Variants in PTPRG observed in about 807,000 individuals in gnomAD.
The protein encoded by PTPRG is receptor-type tyrosine-protein phosphatase gamma.
PTPRG carries 102 observed loss-of-function variants against 165.3 expected under a neutral mutation model. That is an observed-to-expected ratio of 0.62 (90% confidence interval 0.53 to 0.73). The LOEUF (loss-of-function observed/expected upper bound fraction) is 0.73. PTPRG is among the 30% of genes least tolerant of loss of function. PTPRG has a pLI of 0.00. For synonymous variants in PTPRG, 675 were observed against 669.5 expected (o/e 1.01, Z -0.13); for missense variants, 1,866 against 1,861.4 (o/e 1.00, Z -0.05).
At chr3:62,132,691 C>G in intron 6 of PTPRG, 23 bp downstream of exon 6, 1 of 1,579,204 alleles carries the variant, frequency 6.3e-7, no homozygotes, top group Non-Finnish European at 8.7e-7. Context: ...CATACACTTC[C>G]TTTTGCTGGG....
At chr3:61,969,916 G>A (rs1035291480) in intron 2 of PTPRG, among the ~76,000 whole-genome samples, 4 of 152,148 alleles carry the variant, frequency 2.6e-5, no homozygotes, top group African/African-American at 9.7e-5. Context: ...TTATATGGAA[G>A]TACAACTTAA....
Position 62,203,527 on chromosome 3 carries a change from G to A in PTPRG, c.1732G>A (p.Glu578Lys), listed in dbSNP as rs749195922. The change falls in exon 12 of 30, where the codon GAG (glutamate) becomes AAG (lysine). Residue 578 changes from glutamate to lysine, a missense_variant. This residue lies in a region of PTPRG where 1,452 missense variants were observed against 1,463.0 expected (regional missense o/e 0.99). Transcript: ENST00000474889. This position sits in a 1 kb window ranked among gnomAD's most constrained non-coding sequence, Gnocchi z 6.4. ...ACCAACCAAGGACGGCGAGGGCACC[G>A]AGGAAGGAGAGAAGGATGAGAAAAG... is the stretch of plus-strand genomic sequence containing the variant. ...SSPTKDGEGT[E>K]EGEKDEKSES... The A allele has an allele frequency of 9.0e-6, 14 of 1,555,142 alleles. No homozygotes were observed. The African/African-American group carries it at 1.4e-4, about 15-fold the overall frequency.
intron 12 of PTPRG, among the ~76,000 whole-genome samples, chr3:62,204,163 C>G (rs76861305): frequency 6.6e-6 from 1 of 152,304 alleles, no homozygotes; most frequent in Non-Finnish European, 1.5e-5. Context: ...TGGAGTAAGT[C>G]TTTCTTTGAT....
At chr3:61,779,505 C>G (rs980952807) in intron 2 of PTPRG, among the ~76,000 whole-genome samples, 5 of 152,104 alleles carry the variant, frequency 3.3e-5, no homozygotes, top group South Asian at 2.1e-4. Context: ...AAATATCTCC[C>G]TAAGGTGAGC....
rs569115192 is a variant in PTPRG, at chr3:62,137,599, G to C, written c.682+4931G>C. Among the ~76,000 whole-genome samples the C allele has an allele frequency of 5.3e-5, 8 of 152,206 alleles. No homozygotes were observed. The East Asian group carries it at 1.5e-3, about 29-fold the overall frequency. ...CCTGAGCATACTTCTCAGTTGTCAT[G>C]GGTTCGCCAGGATTCAGAAAGCTGT... On this transcript the variant is annotated intron_variant, in intron 6 of 29. Coordinates refer to ENST00000474889, the MANE Select transcript of PTPRG (RefSeq NM_002841.4).
At position 62,273,699 on chromosome 3, in the gene PTPRG, A is replaced by G. The variant is rs1702147089; in HGVS notation, c.3320A>G (p.Glu1107Gly). Residue 1107 changes from glutamate to glycine, a missense_variant and splice_region_variant, in exon 23 of 30, where the codon GAG (glutamate) becomes GGG (glycine). Transcript: ENST00000474889. The surrounding 1 kb of genome is among the most constrained non-coding windows in gnomAD (Gnocchi z 4.1). ...ACTACCATGTATTGTACCTCTTAGG[A>G]GCAGTACATTTTCATCCATGATGCC... is the stretch of plus-strand genomic sequence containing the variant. ...TQRNYLVQTEEQYIFIHDALL... is the reference protein window; with the variant it reads ...TQRNYLVQTEGQYIFIHDALL... 6.2e-7 allele frequency: 1 copy of G among 1,613,496 alleles called. No homozygotes were observed. Among genetic ancestry groups the G allele is most frequent in the Non-Finnish European group, 8.5e-7 (1 of 1,179,524 alleles).
At chr3:61,584,512 T>G (rs1204688089) in intron 1 of PTPRG, among the ~76,000 whole-genome samples, 4 of 152,206 alleles carry the variant, frequency 2.6e-5, no homozygotes, top group Non-Finnish European at 5.9e-5. Flanking sequence ...CAATTTCATT[T>G]GTTTATAACT....
chr3:61,621,051 A>ATATATATATATATGTGTGTGTGTG, intron 1 of PTPRG, among the ~76,000 whole-genome samples: 88 of 117,974 alleles, frequency 7.5e-4, no homozygotes, highest in South Asian at 1.5e-3. Flanking sequence ...ATATATATAT[A>ATATATATATATATGTGTGTGTGTG]TGTGTGTGTG....
At chr3:61,663,470 G>A in intron 1 of PTPRG, among the ~76,000 whole-genome samples, 1 of 152,272 alleles carries the variant, frequency 6.6e-6, no homozygotes, top group East Asian at 1.9e-4. Flanking sequence ...TGTAAGGCTT[G>A]GAGATAGTGT....
intron 3 of PTPRG, among the ~76,000 whole-genome samples, chr3:61,992,002 G>T (rs2040904643): frequency 6.6e-6 from 1 of 152,174 alleles, no homozygotes; most frequent in Admixed American, 6.5e-5. Flanking sequence ...CTGAGTGCAT[G>T]CACTTGATTT....
At chr3:61,695,177 A>G (rs1359041566) in intron 1 of PTPRG, among the ~76,000 whole-genome samples, 1 of 151,918 alleles carries the variant, frequency 6.6e-6, no homozygotes, top group Non-Finnish European at 1.5e-5. Context: ...CGCCCAGTTA[A>G]TTTTTGTATT....
intron 1 of PTPRG, among the ~76,000 whole-genome samples, chr3:61,568,831 C>T (rs1423418514): frequency 6.6e-6 from 1 of 151,784 alleles, no homozygotes; most frequent in Non-Finnish European, 1.5e-5. Flanking sequence ...TTGCTTGAAC[C>T]CAGGAGGCAG....
At chr3:61,843,966 T>A (rs78218199) in intron 2 of PTPRG, among the ~76,000 whole-genome samples, 1 of 8,192 alleles carries the variant, frequency 1.2e-4, no homozygotes, top group Non-Finnish European at 2.9e-4. Flanking sequence ...TTACAACTCT[T>A]TTTTTTTTTT....
chr3:61,651,273 T>C (rs1197629830), intron 1 of PTPRG, among the ~76,000 whole-genome samples: 1 of 152,212 alleles, frequency 6.6e-6, no homozygotes, highest in African/African-American at 2.4e-5. Flanking sequence ...TCTTGTGTAT[T>C]GATTTCAGTC....
chr3:62,154,081 A>G (rs1406854491), intron 6 of PTPRG, among the ~76,000 whole-genome samples: 1 of 152,218 alleles, frequency 6.6e-6, no homozygotes, highest in Non-Finnish European at 1.5e-5. Context: ...GAATTGGACT[A>G]AATCGATGGT....
intron 1 of PTPRG, among the ~76,000 whole-genome samples, chr3:61,704,225 T>C (rs567551826): frequency 6.6e-6 from 1 of 152,322 alleles, no homozygotes; most frequent in East Asian, 1.9e-4. Context: ...TACTAAAAAC[T>C]GTACTTCAGT....
At position 61,987,396 on chromosome 3, in the gene PTPRG, T is replaced by C. The variant is rs144338933; in HGVS notation, c.191-2229T>C. Among the ~76,000 whole-genome samples, 186 of 152,318 alleles carry C rather than the reference T, an allele frequency of 1.2e-3. 3 individuals carry two copies. The East Asian group carries it at 0.029, about 24-fold the overall frequency. ...AGAGTGATAAATTGTATTTTACCCA[T>C]GTCTGGAAGGTTATGAGAACTAATA... On this transcript the variant is annotated intron_variant, in intron 2 of 29. Coordinates refer to ENST00000474889, the MANE Select transcript of PTPRG (RefSeq NM_002841.4).
At chr3:62,164,991 A>T (rs1270557206) in intron 7 of PTPRG, among the ~76,000 whole-genome samples, 1 of 152,212 alleles carries the variant, frequency 6.6e-6, no homozygotes, top group East Asian at 1.9e-4. Context: ...ATGGCAGCCC[A>T]GTCCATTTCT....
At chr3:62,021,484 A>G (rs1239698816) in intron 4 of PTPRG, among the ~76,000 whole-genome samples, 1 of 152,216 alleles carries the variant, frequency 6.6e-6, no homozygotes, top group Non-Finnish European at 1.5e-5. Flanking sequence ...CCAAAAATAT[A>G]TGTTTATGTG....
Sources: gnomAD v4.1 joint callset for allele counts (sites outside exome capture counted in the v4.1 genomes callset) on GRCh38, gnomAD v4.1.1 for gene constraint, gnomAD v4.1.1 regional missense constraint, Gnocchi (gnomAD v3.1) non-coding constraint, MANE v1.5 for transcripts, NCBI Gene and HGNC (gene_info 2026-07-23, HGNC 2026-07-21) for gene names.